The following CYP7B1 variants were observed in gnomAD, a reference collection of about 807,000 sequenced individuals.
CYP7B1 encodes cytochrome P450 7B1.
Under a neutral mutation model 42.7 loss-of-function variants are expected in CYP7B1, and 29 were observed. That is an observed-to-expected ratio of 0.68 (90% CI 0.51 to 0.93). The LOEUF (loss-of-function observed/expected upper bound fraction) is 0.93. CYP7B1 is among the 40% of genes least tolerant of loss of function. CYP7B1 has a pLI of 0.00. For missense variants in CYP7B1, 655 were observed against 600.5 expected (o/e 1.09, Z -0.95); for synonymous variants, 235 against 218.2 (o/e 1.08, Z -0.68).
chr8:64,629,954 G>T (rs1563369624), intron 1 of CYP7B1, among the ~76,000 whole-genome samples: 1 of 152,174 alleles, frequency 6.6e-6, no homozygotes, highest in Non-Finnish European at 1.5e-5. Context: ...GCCTGGTGGG[G>T]ACAAGGAAGC....
At chr8:64,627,853 A>G (rs1805631650) in intron 1 of CYP7B1, among the ~76,000 whole-genome samples, 2 of 152,228 alleles carry the variant, frequency 1.3e-5, no homozygotes, top group South Asian at 2.1e-4. Flanking sequence ...TAGATAACAG[A>G]AATCTGTCTT....
intron 1 of CYP7B1, among the ~76,000 whole-genome samples, chr8:64,678,364 G>T (rs959106130): frequency 2.3e-4 from 35 of 152,018 alleles, no homozygotes; most frequent in Admixed American, 1.5e-3. Flanking sequence ...GGCATATAGG[G>T]TTCTTGTGAT....
rs929522753 is a variant in CYP7B1, at chr8:64,702,418, T to C, written c.123-77879A>G. Reference sequence around the variant, plus strand: ...GCATCTTCTTGAGGTCATTCATTACTGAAAACCTACTGGGATCAGCTGACT... The same window carrying C: ...GCATCTTCTTGAGGTCATTCATTACCGAAAACCTACTGGGATCAGCTGACT... On this transcript the variant is annotated intron_variant, in intron 1 of 5. Transcript: ENST00000310193. 7.9e-5 allele frequency among the ~76,000 whole-genome samples: 12 copies of C among 152,122 alleles called. 1 individual carries two copies. The highest frequency in any genetic ancestry group is 7.9e-4 in the Admixed American group (12 of 15,256).
At chr8:64,766,412 C>A (rs572195466) in intron 1 of CYP7B1, among the ~76,000 whole-genome samples, 4 of 152,164 alleles carry the variant, frequency 2.6e-5, no homozygotes, top group African/African-American at 9.6e-5. Flanking sequence ...CTTCAAAAGT[C>A]TGCCTTAGGC....
At position 64,683,929 on chromosome 8, in the gene CYP7B1, C is replaced by T. The variant is rs192072263; in HGVS notation, c.123-59390G>A. Among the ~76,000 whole-genome samples the T allele has an allele frequency of 1.5e-3, 223 of 152,230 alleles. 1 individual carries two copies. Among genetic ancestry groups the T allele is most frequent in the Non-Finnish European group, 2.6e-3 (176 of 68,028 alleles). ...CTCGTGGCTCACTTCATTCCTGTTG[C>T]TGTTCGAATGGCACCTGTTTAGAAA... On this transcript the variant is annotated intron_variant, in intron 1 of 5. Coordinates refer to ENST00000310193, the MANE Select transcript of CYP7B1 (RefSeq NM_004820.5).
At chr8:64,665,758 TAG>T (rs886164137) in intron 1 of CYP7B1, among the ~76,000 whole-genome samples, 4 of 151,884 alleles carry the variant, frequency 2.6e-5, no homozygotes, top group African/African-American at 9.7e-5. Context: ...GTATTTTTAG[TAG>T]AGACAGGGTT....
chr8:64,690,446 T>C (rs1806721862), intron 1 of CYP7B1, among the ~76,000 whole-genome samples: 1 of 152,138 alleles, frequency 6.6e-6, no homozygotes. Flanking sequence ...CCAGATGTTG[T>C]GTATTTTTTT....
Position 64,645,002 on chromosome 8 carries a change from C to A in CYP7B1, c.123-20463G>T, listed in dbSNP as rs1248337168. Among the ~76,000 whole-genome samples the A allele has an allele frequency of 4.7e-5, 7 of 150,522 alleles. No homozygotes were observed. The South Asian group carries it at 8.6e-4, about 18-fold the overall frequency. On this transcript the variant is annotated intron_variant, in intron 1 of 5. Coordinates refer to ENST00000310193, the MANE Select transcript of CYP7B1 (RefSeq NM_004820.5). Reference sequence around the variant, plus strand: ...TTCAATTCCCACCTATGAGTGAGAACATGTGGTGTTTGGTTTTTTGTCCTT... The same window carrying A: ...TTCAATTCCCACCTATGAGTGAGAAAATGTGGTGTTTGGTTTTTTGTCCTT...
At chr8:64,792,350 G>C (rs1198441285) in intron 1 of CYP7B1, among the ~76,000 whole-genome samples, 1 of 152,166 alleles carries the variant, frequency 6.6e-6, no homozygotes, top group Non-Finnish European at 1.5e-5. Flanking sequence ...TATCCAGATT[G>C]CAGAAGGCAC....
At chr8:64,681,298 G>A (rs558957565) in intron 1 of CYP7B1, among the ~76,000 whole-genome samples, 10 of 152,192 alleles carry the variant, frequency 6.6e-5, no homozygotes, top group African/African-American at 1.9e-4. Flanking sequence ...CAGTCGTCAC[G>A]GAGTGTGTCT....
intron 1 of CYP7B1, among the ~76,000 whole-genome samples, chr8:64,748,229 G>A (rs1384385344): frequency 3.3e-5 from 5 of 152,278 alleles, no homozygotes; most frequent in Admixed American, 2.6e-4. Flanking sequence ...CAGCAAAGCA[G>A]AAGGTGGAGC....
At position 64,634,723 on chromosome 8, in the gene CYP7B1, G is replaced by C. The variant is rs1455317283; in HGVS notation, c.123-10184C>G. ...ATCAAAGGTTGATTTTTTTAAAAAA[G>C]CTCAACATTCCTAAGTCAATTAAGT... On this transcript the variant is annotated intron_variant, in intron 1 of 5. Transcript: ENST00000310193. 2.0e-5 allele frequency among the ~76,000 whole-genome samples: 3 copies of C among 151,910 alleles called. No individual in the cohort carries two copies. The East Asian group carries it at 5.8e-4, about 29-fold the overall frequency.
intron 1 of CYP7B1, among the ~76,000 whole-genome samples, chr8:64,795,917 G>A (rs1214483617): frequency 2.6e-5 from 4 of 152,216 alleles, no homozygotes; most frequent in African/African-American, 9.6e-5. Flanking sequence ...GAATTGGTAA[G>A]TGTCTGAAGG....
At chr8:64,798,384 G>C in intron 1 of CYP7B1, 82 bp downstream of exon 1, 1 of 1,420,140 alleles carries the variant, frequency 7.0e-7, no homozygotes, top group Non-Finnish European at 9.1e-7. Context: ...AAATCATGGA[G>C]GGGGACTCCC....
intron 1 of CYP7B1, among the ~76,000 whole-genome samples, chr8:64,696,547 G>C (rs547615985): frequency 6.6e-6 from 1 of 152,212 alleles, no homozygotes; most frequent in East Asian, 1.9e-4. Context: ...CACTAAACTA[G>C]TCAGCAGGAA....
intron 1 of CYP7B1, among the ~76,000 whole-genome samples, chr8:64,648,383 A>G (rs745457119): frequency 2.0e-5 from 3 of 152,198 alleles, no homozygotes; most frequent in Non-Finnish European, 4.4e-5. Context: ...GTTAAAGAGA[A>G]ATACAACGCT....
intron 1 of CYP7B1, among the ~76,000 whole-genome samples, chr8:64,796,152 G>A (rs991513237): frequency 2.6e-5 from 4 of 152,154 alleles, no homozygotes; most frequent in African/African-American, 9.7e-5. Context: ...AAACTGTGCT[G>A]AATATTTTTA....
At chr8:64,655,404 A>G (rs1417993172) in intron 1 of CYP7B1, among the ~76,000 whole-genome samples, 4 of 152,250 alleles carry the variant, frequency 2.6e-5, no homozygotes, top group Non-Finnish European at 5.9e-5. Flanking sequence ...CATGTGGCCA[A>G]CAAGCGTATG....
intron 1 of CYP7B1, among the ~76,000 whole-genome samples, chr8:64,750,187 T>G (rs942807171): frequency 6.6e-6 from 1 of 152,180 alleles, no homozygotes; most frequent in African/African-American, 2.4e-5. Flanking sequence ...ACAGAGGATA[T>G]GAACATGAAA....
Sources: allele counts gnomAD v4.1 joint callset (sites outside exome capture counted in the v4.1 genomes callset), GRCh38; gene constraint gnomAD v4.1.1; transcripts MANE v1.5; gene names NCBI Gene and HGNC (gene_info 2026-07-23, HGNC 2026-07-21).